PIK3CB: variants seen among roughly 807,000 people sequenced by gnomAD.
The protein encoded by PIK3CB is phosphatidylinositol-4,5-bisphosphate 3-kinase catalytic subunit beta.
A neutral mutation model predicts 136.8 loss-of-function variants in PIK3CB; 39 were observed. The ratio of observed to expected loss-of-function variants is 0.29; its 90% CI spans 0.22 to 0.37. The LOEUF is 0.37. PIK3CB is among the 10% of genes least tolerant of loss of function. PIK3CB has a pLI of 1.00. For missense variants in PIK3CB, 868 were observed against 1,275.4 expected (o/e 0.68, Z 4.87); for synonymous variants, 428 against 436.6 (o/e 0.98, Z 0.25).
At chr3:138,673,333 G>T (rs2043575518) in intron 19 of PIK3CB, among the ~76,000 whole-genome samples, 1 of 151,936 alleles carries the variant, frequency 6.6e-6, no homozygotes, top group South Asian at 2.1e-4. Flanking sequence ...ATAAAAAAAA[G>T]AAATAAAAGA....
At chr3:138,661,797 G>C (rs1006055997) in intron 21 of PIK3CB, among the ~76,000 whole-genome samples, 1 of 152,202 alleles carries the variant, frequency 6.6e-6, no homozygotes, top group Non-Finnish European at 1.5e-5. Context: ...CAGTGACCCA[G>C]AGAGATTTTC....
chr3:138,661,182 A>G (rs1324444419), intron 21 of PIK3CB, among the ~76,000 whole-genome samples: 1 of 152,248 alleles, frequency 6.6e-6, no homozygotes, highest in African/African-American at 2.4e-5. Context: ...CTCTGTAGAA[A>G]TAAGTGTGCT....
At chr3:138,660,466 T>C (rs2043276693) in intron 21 of PIK3CB, among the ~76,000 whole-genome samples, 1 of 152,244 alleles carries the variant, frequency 6.6e-6, no homozygotes, top group African/African-American at 2.4e-5. Context: ...TCTTTTCTTT[T>C]CTTCCCTATT....
At chr3:138,775,114 T>C (rs1237717673) in intron 2 of PIK3CB, among the ~76,000 whole-genome samples, 1 of 152,214 alleles carries the variant, frequency 6.6e-6, no homozygotes, top group Admixed American at 6.5e-5. Context: ...GGGAAAAGAC[T>C]AAGAAAAACT....
At chr3:138,811,432 C>CTT (rs1209224609) in intron 1 of PIK3CB, among the ~76,000 whole-genome samples, 4 of 141,654 alleles carry the variant, frequency 2.8e-5, no homozygotes, top group African/African-American at 1.0e-4. Flanking sequence ...AGAAAATTAC[C>CTT]TTTTTTTTTT....
intron 19 of PIK3CB, among the ~76,000 whole-genome samples, chr3:138,680,220 T>C (rs1334627373): frequency 6.6e-6 from 1 of 151,260 alleles, no homozygotes; most frequent in Non-Finnish European, 1.5e-5. Context: ...TAGCCGGGCG[T>C]GGTGGTGGGT....
At chr3:138,793,855 T>TA (rs1231825922) in intron 2 of PIK3CB, among the ~76,000 whole-genome samples, 1 of 152,142 alleles carries the variant, frequency 6.6e-6, no homozygotes, top group Non-Finnish European at 1.5e-5. Context: ...CACCATCTCT[T>TA]AAAAAAATTT....
intron 1 of PIK3CB, among the ~76,000 whole-genome samples, chr3:138,834,224 C>CA (rs1282188231): frequency 6.6e-6 from 1 of 152,272 alleles, no homozygotes; most frequent in Non-Finnish European, 1.5e-5. Context: ...GACTGGTCAG[C>CA]AGCGGCGTTG....
chr3:138,831,629 ATAAT>A (rs769458463), intron 1 of PIK3CB, among the ~76,000 whole-genome samples: 1 of 141,880 alleles, frequency 7.0e-6, no homozygotes, highest in East Asian at 2.2e-4. Flanking sequence ...ATAAAAATAA[ATAAT>A]TTATTTATTG....
chr3:138,766,803 T>A (rs2045737623), intron 2 of PIK3CB, among the ~76,000 whole-genome samples: 1 of 152,224 alleles, frequency 6.6e-6, no homozygotes, highest in Non-Finnish European at 1.5e-5. Context: ...TAGAAATGTT[T>A]TTCCCAACTA....
chr3:138,712,027 C>T (rs1024086312), intron 10 of PIK3CB, among the ~76,000 whole-genome samples, 181 bp downstream of exon 10: 4 of 151,714 alleles, frequency 2.6e-5, no homozygotes, highest in African/African-American at 9.7e-5. Context: ...GAAATCTACT[C>T]AGAAACAAGT....
intron 2 of PIK3CB, among the ~76,000 whole-genome samples, chr3:138,783,341 G>C (rs2045941584): frequency 7.1e-6 from 1 of 141,030 alleles, no homozygotes; most frequent in Non-Finnish European, 1.5e-5. Context: ...GAATGCAGTA[G>C]TGTAATCATA....
intron 12 of PIK3CB, among the ~76,000 whole-genome samples, chr3:138,701,583 G>T (rs550803966): frequency 6.6e-6 from 1 of 152,012 alleles, no homozygotes; most frequent in African/African-American, 2.4e-5. Flanking sequence ...TCAAGAGATC[G>T]AGACCATCCT....
At chr3:138,673,328 A>G (rs1322957534) in intron 19 of PIK3CB, among the ~76,000 whole-genome samples, 1 of 152,324 alleles carries the variant, frequency 6.6e-6, no homozygotes, top group Admixed American at 6.5e-5. Flanking sequence ...TGGTGATAAA[A>G]AAAAGAAATA....
chr3:138,744,841 C>G (rs2045321061), intron 4 of PIK3CB, among the ~76,000 whole-genome samples: 2 of 152,206 alleles, frequency 1.3e-5, no homozygotes, highest in Non-Finnish European at 2.9e-5. Context: ...TTCAGAAGCA[C>G]TCATCTCCAT....
intron 1 of PIK3CB, among the ~76,000 whole-genome samples, chr3:138,816,939 G>A (rs1457509980): frequency 1.3e-5 from 2 of 152,108 alleles, no homozygotes; most frequent in Admixed American, 1.3e-4. Flanking sequence ...CGTGGCTCAC[G>A]CCTGTAATCC....
At chr3:138,742,874 T>C in intron 4 of PIK3CB, 93 bp from the exon 5 acceptor site, 2 of 634,952 alleles carry the variant, frequency 3.1e-6, no homozygotes, top group South Asian at 2.4e-5. Flanking sequence ...AAAACTAACT[T>C]GGATGTTGGA....
chr3:138,830,763 G>T (rs576353606), intron 1 of PIK3CB, among the ~76,000 whole-genome samples: 20 of 149,184 alleles, frequency 1.3e-4, no homozygotes, highest in Middle Eastern at 3.7e-3. Context: ...TTAGCCGGGC[G>T]TGTTGGCTGG....
intron 15 of PIK3CB, among the ~76,000 whole-genome samples, chr3:138,690,155 C>T (rs2043976823): frequency 6.6e-6 from 1 of 150,668 alleles, no homozygotes; most frequent in African/African-American, 2.4e-5. Context: ...ATAAGAAAAC[C>T]ATATTCAGAA....
Sources: gnomAD v4.1 joint callset for allele counts (sites outside exome capture counted in the v4.1 genomes callset) on GRCh38, gnomAD v4.1.1 for gene constraint, MANE v1.5 for transcripts, NCBI Gene and HGNC (gene_info 2026-07-23, HGNC 2026-07-21) for gene names.